WWOX: variants seen among roughly 807,000 people sequenced by gnomAD.
WWOX encodes the protein WW domain containing oxidoreductase.
Under a neutral mutation model 46.2 loss-of-function variants are expected in WWOX, and 69 were observed. The observed-to-expected ratio is 1.49, with a 90% CI of 1.23 to 1.82. WWOX has a LOEUF of 1.82. WWOX is among the 40% of genes most tolerant of loss of function. WWOX has a pLI of 0.00. For missense variants in WWOX, 919 were observed against 542.6 expected, an observed-to-expected ratio of 1.69 and a Z score of -6.89; for synonymous variants, 359 against 202.6, an observed-to-expected ratio of 1.77 and a Z score of -6.56.
chr16:78,958,557 T>C (rs533072321), intron 8 of WWOX, among the ~76,000 whole-genome samples: 1 of 152,348 alleles, frequency 6.6e-6, no homozygotes, highest in African/African-American at 2.4e-5. Flanking sequence ...CCTTGCAGTT[T>C]CCAAAGTAAG....
intron 8 of WWOX, among the ~76,000 whole-genome samples, chr16:78,754,936 A>G (rs772849181): frequency 2.6e-5 from 4 of 151,764 alleles, no homozygotes; most frequent in Non-Finnish European, 5.9e-5. Flanking sequence ...AGGGAAGAGA[A>G]TGCTGTCCAC....
intron 8 of WWOX, among the ~76,000 whole-genome samples, chr16:78,467,580 G>A (rs1481407390): frequency 6.6e-6 from 1 of 152,148 alleles, no homozygotes; most frequent in African/African-American, 2.4e-5. Context: ...AAATGACTTT[G>A]AAAACTCGGG....
At chr16:78,894,272 C>A (rs1362725923) in intron 8 of WWOX, among the ~76,000 whole-genome samples, 1 of 152,048 alleles carries the variant, frequency 6.6e-6, no homozygotes. Context: ...AACACATACA[C>A]ACACATCTAA....
At position 79,046,295 on chromosome 16, in the gene WWOX, A is replaced by G. The variant is rs916738464; in HGVS notation, c.1057-165313A>G. ...ACTGTAAAGCTCTCAGCCCAGGGAT[A>G]TAGTAGCACCAGCACATAGTAGATG... On this transcript the variant is annotated intron_variant, in intron 8 of 8. Transcript: ENST00000566780. Among the ~76,000 whole-genome samples the G allele has an allele frequency of 1.3e-4, 20 of 152,318 alleles. 1 individual carries two copies. The highest frequency in any genetic ancestry group is 4.3e-4 in the African/African-American group (18 of 41,572).
At chr16:78,815,574 G>T (rs1224315584) in intron 8 of WWOX, among the ~76,000 whole-genome samples, 1 of 152,184 alleles carries the variant, frequency 6.6e-6, no homozygotes. Flanking sequence ...TGCCCAATGC[G>T]TAAGCTGTCC....
chr16:78,337,016 C>T (rs1311088571), intron 5 of WWOX, among the ~76,000 whole-genome samples: 1 of 151,984 alleles, frequency 6.6e-6, no homozygotes, highest in East Asian at 1.9e-4. Flanking sequence ...CCTGACCTCA[C>T]GTGATCCACC....
chr16:78,579,591 C>G (rs187358229), intron 8 of WWOX, among the ~76,000 whole-genome samples: 23 of 152,242 alleles, frequency 1.5e-4, no homozygotes, highest in African/African-American at 3.9e-4. Flanking sequence ...AATTAAGAAA[C>G]AGAAGCCAGG....
intron 5 of WWOX, among the ~76,000 whole-genome samples, chr16:78,381,476 A>G (rs2081955903): frequency 1.3e-5 from 2 of 152,198 alleles, no homozygotes; most frequent in African/African-American, 4.8e-5. Flanking sequence ...GTTGGGAGCA[A>G]GTGGGCTTCT....
chr16:78,850,054 A>G (rs2052402829), intron 8 of WWOX, among the ~76,000 whole-genome samples: 1 of 151,882 alleles, frequency 6.6e-6, no homozygotes, highest in African/African-American at 2.4e-5. Context: ...CCTGGGCAAC[A>G]AGAGCGAAAT....
At chr16:78,385,037 G>A (rs62034087) in intron 5 of WWOX, among the ~76,000 whole-genome samples, 14,702 of 152,076 alleles carry the variant, frequency 0.097, 847 homozygotes, top group African/African-American at 0.15. Flanking sequence ...GGGAGGCTGA[G>A]GCAGGAGAAT....
chr16:78,336,057 A>G (rs1422304398), intron 5 of WWOX, among the ~76,000 whole-genome samples: 2 of 152,004 alleles, frequency 1.3e-5, no homozygotes, highest in Non-Finnish European at 2.9e-5. Flanking sequence ...AGGCCACTGC[A>G]CTCCAACCTG....
chr16:78,601,118 T>C (rs1246540539), intron 8 of WWOX, among the ~76,000 whole-genome samples: 1 of 152,214 alleles, frequency 6.6e-6, no homozygotes, highest in African/African-American at 2.4e-5. Context: ...ATAAGTGACA[T>C]GGCTCCTCGC....
At chr16:78,987,292 T>G (rs971094505) in intron 8 of WWOX, among the ~76,000 whole-genome samples, 1 of 152,208 alleles carries the variant, frequency 6.6e-6, no homozygotes, top group Non-Finnish European at 1.5e-5. Context: ...CTTTGGCATG[T>G]GAGTGGTTTT....
chr16:78,555,393 C>A (rs1441691546), intron 8 of WWOX, among the ~76,000 whole-genome samples: 1 of 152,040 alleles, frequency 6.6e-6, no homozygotes, highest in African/African-American at 2.4e-5. Flanking sequence ...ACTTGGAAGG[C>A]GATGTGTATA....
At chr16:78,869,275 G>T (rs1481692289) in intron 8 of WWOX, among the ~76,000 whole-genome samples, 1 of 151,040 alleles carries the variant, frequency 6.6e-6, no homozygotes, top group Admixed American at 6.6e-5. Context: ...GAAACACTTA[G>T]GGGTTAGAAG....
At chr16:78,713,968 C>G (rs1000657653) in intron 8 of WWOX, among the ~76,000 whole-genome samples, 2 of 152,066 alleles carry the variant, frequency 1.3e-5, no homozygotes, top group African/African-American at 4.8e-5. Context: ...CTCCAATTGG[C>G]TACGAGGGCT....
intron 8 of WWOX, among the ~76,000 whole-genome samples, chr16:78,796,382 A>G (rs1434584956): frequency 6.6e-6 from 1 of 152,216 alleles, no homozygotes; most frequent in African/African-American, 2.4e-5. Context: ...CCAAGGAGTT[A>G]TTATAGGTCA....
intron 8 of WWOX, among the ~76,000 whole-genome samples, chr16:78,658,219 T>G (rs748667282): frequency 7.9e-5 from 12 of 152,322 alleles, no homozygotes; most frequent in Non-Finnish European, 1.2e-4. Flanking sequence ...GAACCCCTGC[T>G]TTATCCTCTT....
At chr16:78,544,281 A>G (rs766625746) in intron 8 of WWOX, among the ~76,000 whole-genome samples, 1 of 152,200 alleles carries the variant, frequency 6.6e-6, no homozygotes, top group Admixed American at 6.5e-5. Context: ...CGCTAACATT[A>G]TATTAATTAT....
Sources: allele counts gnomAD v4.1 joint callset (sites outside exome capture counted in the v4.1 genomes callset), GRCh38; gene constraint gnomAD v4.1.1; transcripts MANE v1.5; gene names NCBI Gene and HGNC (gene_info 2026-07-23, HGNC 2026-07-21).